LSM3: variants seen among roughly 807,000 people sequenced by gnomAD.
LSM3 encodes the protein LSM3 homolog, U6 small nuclear RNA and mRNA degradation associated, also known as U6 snRNA-associated Sm-like protein LSm3.
A neutral mutation model predicts 15.4 loss-of-function variants in LSM3; 14 were observed. The ratio of observed to expected loss-of-function variants is 0.91; its 90% CI spans 0.60 to 1.42. The LOEUF is 1.42. LSM3 is among the 40% of genes most tolerant of loss of function. LSM3 has a pLI of 0.00. For synonymous variants in LSM3, 46 were observed against 45.1 expected (o/e 1.02, Z -0.08); for missense variants, 88 against 127.9 (o/e 0.69, Z 1.50).
At chr3:14,180,992 C>A (rs1697032791) in intron 1 of LSM3, among the ~76,000 whole-genome samples, 1 of 151,948 alleles carries the variant, frequency 6.6e-6, no homozygotes, top group Non-Finnish European at 1.5e-5. Context: ...GCTGGGACTA[C>A]AGGCATGTGC....
chr3:14,181,780 G>A (rs1482649576), intron 2 of LSM3, 110 bp downstream of exon 2: 3 of 762,298 alleles, frequency 3.9e-6, no homozygotes. Context: ...AGAGAGGGTG[G>A]TGGAAAGTCA....
chr3:14,194,551 C>A (rs1031023727), intron 3 of LSM3, among the ~76,000 whole-genome samples: 1 of 152,152 alleles, frequency 6.6e-6, no homozygotes, highest in African/African-American at 2.4e-5. Flanking sequence ...ATACCTGACA[C>A]ATAATGGGCA....
chr3:14,180,522 C>T (rs1697022092), intron 1 of LSM3, among the ~76,000 whole-genome samples: 1 of 152,182 alleles, frequency 6.6e-6, no homozygotes, highest in African/African-American at 2.4e-5. Flanking sequence ...CTCCTAACCT[C>T]AGGTGATCTG....
chr3:14,180,424 G>A (rs1186502873), intron 1 of LSM3, among the ~76,000 whole-genome samples: 1 of 151,956 alleles, frequency 6.6e-6, no homozygotes, highest in Non-Finnish European at 1.5e-5. Flanking sequence ...AAGTAGCTGG[G>A]ACTACAGGTG....
chr3:14,178,928 G>C, intron 1 of LSM3, 47 bp downstream of exon 1: 1 of 1,609,448 alleles, frequency 6.2e-7, no homozygotes, highest in Non-Finnish European at 8.5e-7. Context: ...CTTGTACTAG[G>C]CTGCTTTTTC....
chr3:14,191,002 G>A (rs777183945), intron 3 of LSM3, among the ~76,000 whole-genome samples: 1 of 152,182 alleles, frequency 6.6e-6, no homozygotes, highest in Non-Finnish European at 1.5e-5. Context: ...ATGAAGGGGT[G>A]TTGAATTTTA....
intron 1 of LSM3, among the ~76,000 whole-genome samples, chr3:14,180,821 C>CTTTTTTT (rs1164090236): frequency 6.4e-5 from 3 of 46,768 alleles, no homozygotes; most frequent in Non-Finnish European, 8.2e-5. Flanking sequence ...GCTTGCTTGC[C>CTTTTTTT]TTTTTTTTTT....
chr3:14,191,475 G>C (rs1256472109), intron 3 of LSM3, among the ~76,000 whole-genome samples: 1 of 152,104 alleles, frequency 6.6e-6, no homozygotes, highest in East Asian at 1.9e-4. Flanking sequence ...GTATTGGTCT[G>C]TTCAGGGATT....
chr3:14,183,396 T>A (rs1697058116), intron 2 of LSM3, among the ~76,000 whole-genome samples: 1 of 152,238 alleles, frequency 6.6e-6, no homozygotes, highest in Admixed American at 6.5e-5. Flanking sequence ...ACATTTAAGT[T>A]CTGGATAGGT....
chr3:14,200,406 A>G lies in LSM3; in HGVS notation c.*2290A>G, dbSNP rs1697224186. 6.6e-6 allele frequency: 1 copy of G among 152,232 alleles called. No homozygotes were observed. Among genetic ancestry groups the G allele is most frequent in the Non-Finnish European group, 1.5e-5 (1 of 68,112 alleles). The allele number at this position is 152,232 out of a possible 1,614,324, so 9.4% of individuals were successfully genotyped here. A position where few individuals can be genotyped will look rare whatever the true frequency, so the allele number is the denominator to read the frequency against. On this transcript the variant is annotated 3_prime_UTR_variant, in exon 4 of 4. Transcript: ENST00000306024. The stretch of plus-strand genomic sequence containing the variant: ...CAGTGGTGCTGTCCACTGAGGGGTT[A>G]TGGTGTGAGGGCCCCTGGGAGCCAC...
intron 3 of LSM3, among the ~76,000 whole-genome samples, chr3:14,184,405 T>G (rs891103093): frequency 6.6e-6 from 1 of 152,218 alleles, no homozygotes; most frequent in Admixed American, 6.5e-5. Flanking sequence ...ATTTGATCTA[T>G]TAATACTTAA....
chr3:14,180,279 CT>C (rs202093674), intron 1 of LSM3, among the ~76,000 whole-genome samples: 6 of 150,988 alleles, frequency 4.0e-5, no homozygotes, highest in East Asian at 1.9e-4. Context: ...TTTTCTTTTC[CT>C]TTTTTTTTCT....
intron 3 of LSM3, among the ~76,000 whole-genome samples, chr3:14,196,147 C>T (rs372062932): frequency 1.3e-5 from 2 of 151,734 alleles, no homozygotes; most frequent in Admixed American, 6.6e-5. Context: ...TTAGTAGAGA[C>T]GGGGTTTCAC....
chr3:14,196,043 C>T (rs567610036), intron 3 of LSM3, among the ~76,000 whole-genome samples: 2 of 151,816 alleles, frequency 1.3e-5, no homozygotes, highest in Non-Finnish European at 2.9e-5. Context: ...AGCTCCGCCT[C>T]CCAGGTTCAC....
chr3:14,195,060 G>A (rs2124828648), intron 3 of LSM3, among the ~76,000 whole-genome samples: 1 of 152,138 alleles, frequency 6.6e-6, no homozygotes, highest in South Asian at 2.1e-4. Context: ...CTGCACTGCT[G>A]GAGTTTGTTT....
intron 1 of LSM3, among the ~76,000 whole-genome samples, chr3:14,181,286 A>G (rs534556023): frequency 6.6e-6 from 1 of 152,214 alleles, no homozygotes; most frequent in Non-Finnish European, 1.5e-5. Flanking sequence ...AAGTATAGTC[A>G]TGATTATTTT....
intron 1 of LSM3, among the ~76,000 whole-genome samples, chr3:14,180,097 C>G (rs1355238836): frequency 1.3e-5 from 2 of 152,044 alleles, no homozygotes; most frequent in Non-Finnish European, 2.9e-5. Flanking sequence ...ATTCAGTTAC[C>G]TTCCTCCACT....
At chr3:14,185,771 A>G (rs796096623) in intron 3 of LSM3, among the ~76,000 whole-genome samples, 3 of 152,266 alleles carry the variant, frequency 2.0e-5, no homozygotes, top group African/African-American at 7.2e-5. Flanking sequence ...CCTCAAATGG[A>G]TCTCTTACTC....
chr3:14,183,837 A>G (rs1478246444), intron 2 of LSM3, 100 bp from the exon 3 acceptor site: 6 of 762,372 alleles, frequency 7.9e-6, no homozygotes, highest in Non-Finnish European at 1.2e-5. Flanking sequence ...GTAAGTATCA[A>G]ATGCCCTAGT....
Sources: allele counts gnomAD v4.1 joint callset (sites outside exome capture counted in the v4.1 genomes callset), GRCh38; gene constraint gnomAD v4.1.1; transcripts MANE v1.5; gene names NCBI Gene and HGNC (gene_info 2026-07-23, HGNC 2026-07-21).